Variants in DCC observed in about 807,000 individuals in gnomAD.
The protein encoded by DCC is DCC netrin 1 receptor, also known as netrin receptor DCC.
DCC carries 58 observed loss-of-function variants against 172.5 expected under a neutral mutation model. The ratio of observed to expected loss-of-function variants is 0.34; its 90% CI spans 0.27 to 0.42. DCC has a LOEUF of 0.42. Among genes scored for constraint, DCC ranks in the 10% least tolerant of loss-of-function variants. DCC has a pLI of 1.00. For synonymous variants in DCC, 709 were observed against 644.5 expected (o/e 1.10, Z -1.52); for missense variants, 1,740 against 1,791.0 (o/e 0.97, Z 0.51).
chr18:52,767,713 T>C (rs1028215128), intron 2 of DCC, among the ~76,000 whole-genome samples: 7 of 152,348 alleles, frequency 4.6e-5, no homozygotes, highest in African/African-American at 1.7e-4. Context: ...ATACCTGTAG[T>C]ACAAACGTTT....
chr18:52,714,355 T>A (rs945475941), intron 1 of DCC, among the ~76,000 whole-genome samples: 1 of 152,168 alleles, frequency 6.6e-6, no homozygotes, highest in African/African-American at 2.4e-5. Flanking sequence ...GTGTTAATGA[T>A]CATATAAAAC....
At chr18:52,352,723 T>C (rs1285400652) in intron 1 of DCC, among the ~76,000 whole-genome samples, 2 of 152,220 alleles carry the variant, frequency 1.3e-5, no homozygotes, top group African/African-American at 4.8e-5. Context: ...CCCTTCTTCA[T>C]ACCAATTAAT....
At chr18:52,639,367 A>G (rs374275812) in intron 1 of DCC, among the ~76,000 whole-genome samples, 2 of 152,244 alleles carry the variant, frequency 1.3e-5, no homozygotes, top group African/African-American at 4.8e-5. Context: ...AAATGAAACA[A>G]AAAGCTGGTT....
chr18:53,511,769 G>A (rs1460033674), intron 27 of DCC, among the ~76,000 whole-genome samples: 3 of 152,182 alleles, frequency 2.0e-5, no homozygotes, highest in Admixed American at 6.5e-5. Flanking sequence ...AAAAAACGGC[G>A]CATCATGAGA....
At chr18:52,691,046 A>T (rs2035922546) in intron 1 of DCC, among the ~76,000 whole-genome samples, 1 of 152,122 alleles carries the variant, frequency 6.6e-6, no homozygotes, top group Non-Finnish European at 1.5e-5. Flanking sequence ...TTGCAATGAG[A>T]AATGTCACTG....
chr18:53,247,345 G>T (rs2056377270), intron 12 of DCC, among the ~76,000 whole-genome samples: 1 of 151,968 alleles, frequency 6.6e-6, no homozygotes, highest in African/African-American at 2.4e-5. Flanking sequence ...GAGTAATATT[G>T]TTTAGACATC....
chr18:53,442,116 C>T (rs545014929), intron 22 of DCC, among the ~76,000 whole-genome samples: 2 of 152,320 alleles, frequency 1.3e-5, no homozygotes, highest in Admixed American at 6.5e-5. Context: ...CTACATGAAT[C>T]TTTCTACTTT....
intron 12 of DCC, among the ~76,000 whole-genome samples, chr18:53,289,693 G>A (rs1379325937): frequency 6.6e-6 from 1 of 152,066 alleles, no homozygotes; most frequent in Non-Finnish European, 1.5e-5. Flanking sequence ...CAAAAAGAGT[G>A]TTTTTTTATT....
At chr18:53,088,043 T>C (rs1477218232) in intron 7 of DCC, among the ~76,000 whole-genome samples, 3 of 152,212 alleles carry the variant, frequency 2.0e-5, no homozygotes, top group Non-Finnish European at 4.4e-5. Flanking sequence ...GCGTGATGCC[T>C]CCAGCTTTGT....
At chr18:52,549,558 C>T (rs1005048971) in intron 1 of DCC, among the ~76,000 whole-genome samples, 61 of 152,188 alleles carry the variant, frequency 4.0e-4, no homozygotes, top group African/African-American at 1.4e-3. Context: ...CTACCTATTC[C>T]TGTAGCCTCA....
rs184977236 is a variant in DCC, at chr18:53,275,101, G to C, written c.1912-30477G>C. On this transcript the variant is annotated intron_variant, in intron 12 of 28. Transcript: ENST00000442544. ...CTCTGGTGCATGCTTAGGATAGTGA[G>C]GAATGCACAGAGATTAAAAGAATGA... 5.6e-4 allele frequency among the ~76,000 whole-genome samples: 85 copies of C among 152,186 alleles called. 1 individual carries two copies. Among genetic ancestry groups the C allele is most frequent in the Non-Finnish European group, 1.2e-4 (8 of 67,996 alleles).
intron 1 of DCC, among the ~76,000 whole-genome samples, chr18:52,403,677 A>T (rs1986525929): frequency 6.6e-6 from 1 of 152,000 alleles, no homozygotes; most frequent in Admixed American, 6.6e-5. Flanking sequence ...CTAAGGAGGG[A>T]AGGAGGAGGC....
intron 12 of DCC, among the ~76,000 whole-genome samples, chr18:53,232,045 A>G (rs940282778): frequency 2.6e-5 from 4 of 152,122 alleles, no homozygotes; most frequent in Non-Finnish European, 4.4e-5. Flanking sequence ...TCAGAAATGT[A>G]TATTCAAAGT....
At chr18:53,222,630 C>T (rs1255701981) in intron 12 of DCC, among the ~76,000 whole-genome samples, 1 of 151,526 alleles carries the variant, frequency 6.6e-6, no homozygotes, top group Non-Finnish European at 1.5e-5. Context: ...TCGTGATCTG[C>T]CCGCCTCGGC....
chr18:53,393,029 G>C (rs1433820077), intron 17 of DCC, among the ~76,000 whole-genome samples: 2 of 152,224 alleles, frequency 1.3e-5, no homozygotes, highest in East Asian at 3.9e-4. Flanking sequence ...CGCTTGATTG[G>C]GGTAGCTCTT....
chr18:53,507,892 CTTTT>C (rs780896758), intron 27 of DCC, among the ~76,000 whole-genome samples: 1 of 130,986 alleles, frequency 7.6e-6, no homozygotes. Context: ...ACAGATACCA[CTTTT>C]TTTTTTTTTT....
chr18:53,124,470 C>T (rs1362814789), intron 7 of DCC, among the ~76,000 whole-genome samples: 2 of 152,016 alleles, frequency 1.3e-5, no homozygotes, highest in Non-Finnish European at 2.9e-5. Context: ...TTTACTATGG[C>T]AAGGAAAAGG....
rs1490867241 is a variant in DCC, at chr18:53,117,009, A to C, written c.1262-40347A>C. Among the ~76,000 whole-genome samples, 3 of 151,678 alleles carry C rather than the reference A, an allele frequency of 2.0e-5. No homozygotes were observed. The South Asian group carries it at 6.2e-4, about 31-fold the overall frequency. On this transcript the variant is annotated intron_variant, in intron 7 of 28. Transcript: ENST00000442544. ...CAAATAACCAAATTCACATTGAACT[A>C]TTTTTTAGATGGAAAGTTATAATCA...
At chr18:53,468,342 T>TTATTTATTTATTTA (rs374157159) in intron 25 of DCC, among the ~76,000 whole-genome samples, 1 of 131,026 alleles carries the variant, frequency 7.6e-6, no homozygotes, top group Non-Finnish European at 1.6e-5. Context: ...CATAGTTTAT[T>TTATTTATTTATTTA]TTTATTTATT....
Sources: gnomAD v4.1 joint callset for allele counts (sites outside exome capture counted in the v4.1 genomes callset) on GRCh38, gnomAD v4.1.1 for gene constraint, MANE v1.5 for transcripts, NCBI Gene and HGNC (gene_info 2026-07-23, HGNC 2026-07-21) for gene names.